The following ADGRL3 variants were observed in gnomAD, a reference collection of about 807,000 sequenced individuals.
ADGRL3 encodes the protein adhesion G protein-coupled receptor L3, also known as calcium-independent alpha-latrotoxin receptor 3.
Under a neutral mutation model 153.5 loss-of-function variants are expected in ADGRL3, and 62 were observed. The observed-to-expected ratio is 0.40, with a 90% confidence interval of 0.33 to 0.50. The LOEUF is 0.50. Among genes scored for constraint, ADGRL3 ranks in the 20% least tolerant of loss-of-function variants. ADGRL3 has a pLI of 0.47. For synonymous variants in ADGRL3, 710 were observed against 672.5 expected, an observed-to-expected ratio of 1.06 and a Z score of -0.86; for missense variants, 1,641 against 1,859.4, an observed-to-expected ratio of 0.88 and a Z score of 2.16.
intron 1 of ADGRL3, among the ~76,000 whole-genome samples, chr4:61,372,652 T>G (rs907644161): frequency 7.2e-5 from 11 of 152,224 alleles, no homozygotes; most frequent in African/African-American, 2.7e-4. Context: ...CAAGGACGTT[T>G]AAGTCTGCAG....
intron 8 of ADGRL3, among the ~76,000 whole-genome samples, chr4:61,797,681 C>T (rs2097431215): frequency 6.6e-6 from 1 of 151,964 alleles, no homozygotes; most frequent in African/African-American, 2.4e-5. Context: ...AAAACATCTG[C>T]ATGTTTGTTC....
intron 1 of ADGRL3, among the ~76,000 whole-genome samples, chr4:61,364,348 AAT>A (rs2096355171): frequency 1.0e-4 from 8 of 78,710 alleles, no homozygotes; most frequent in African/African-American, 1.6e-4. Flanking sequence ...AAAAAAAAAT[AAT>A]AATAATAATA....
At chr4:61,404,996 T>G (rs569756655) in intron 2 of ADGRL3, among the ~76,000 whole-genome samples, 2 of 152,186 alleles carry the variant, frequency 1.3e-5, no homozygotes, top group East Asian at 1.9e-4. Context: ...ATGGAGTAAC[T>G]ATGCTTACAT....
rs1258512002 is a variant in ADGRL3, at chr4:61,936,010, T to C, written c.2384T>C (p.Leu795Pro). The change falls in exon 15 of 27, where the codon CTG (leucine) becomes CCG (proline). Residue 795 changes from leucine (L) to proline (P), a missense_variant. Physicochemically the swap from Leu to Pro is moderately conservative, Grantham distance 98. This residue lies in a region of ADGRL3 where 734 missense variants were observed against 797.0 expected (regional missense o/e 0.92). Coordinates refer to ENST00000683033, the MANE Select transcript of ADGRL3 (RefSeq NM_001387552.1). The part of the protein sequence containing the change: ...ENMGHGSTIQ[L>P]SANTLKQNGR... ...ATGGGCCATGGAAGCACTATCCAGC[T>C]GTCTGCAAATACCTTAAAGCAAAAT... 6.2e-7 allele frequency: 1 copy of C among 1,610,664 alleles called. No homozygotes were observed. The highest frequency in any genetic ancestry group is 8.5e-7 in the Non-Finnish European group (1 of 1,178,370).
At chr4:61,266,695 T>G (rs1334844608) in intron 1 of ADGRL3, among the ~76,000 whole-genome samples, 1 of 151,818 alleles carries the variant, frequency 6.6e-6, no homozygotes, top group East Asian at 1.9e-4. Context: ...ATGCTTATTC[T>G]TATAGAATGA....
At chr4:61,505,824 TAA>T (rs34446845) in intron 3 of ADGRL3, among the ~76,000 whole-genome samples, 41 of 150,674 alleles carry the variant, frequency 2.7e-4, no homozygotes, top group African/African-American at 6.6e-4. Context: ...CATCTTTTAA[TAA>T]AAAAAAAACA....
intron 1 of ADGRL3, among the ~76,000 whole-genome samples, chr4:61,284,419 G>A (rs2093849258): frequency 6.6e-6 from 1 of 151,742 alleles, no homozygotes; most frequent in South Asian, 2.1e-4. Flanking sequence ...AAGAAACAGT[G>A]GACCAGTTTC....
intron 21 of ADGRL3, among the ~76,000 whole-genome samples, chr4:61,999,751 G>T (rs1170989141): frequency 6.6e-6 from 1 of 152,122 alleles, no homozygotes; most frequent in Non-Finnish European, 1.5e-5. Context: ...AGACTTTAGT[G>T]ACTAAGGTGT....
chr4:61,521,418 C>T (rs1000087864), intron 4 of ADGRL3, among the ~76,000 whole-genome samples: 8 of 152,078 alleles, frequency 5.3e-5, no homozygotes, highest in African/African-American at 1.9e-4. Context: ...AATGGTATAA[C>T]ACTATGAGGA....
intron 6 of ADGRL3, among the ~76,000 whole-genome samples, chr4:61,689,305 C>CT (rs1346575005): frequency 2.0e-5 from 3 of 152,136 alleles, no homozygotes; most frequent in African/African-American, 7.2e-5. Context: ...TCCAGGTGGT[C>CT]TTTGGGCCAT....
intron 17 of ADGRL3, 109 bp downstream of exon 17, chr4:61,948,385 T>C: frequency 8.1e-6 from 6 of 740,000 alleles, no homozygotes; most frequent in South Asian, 3.0e-5. Context: ...CCTACTTTCA[T>C]AGTAATTCTA....
chr4:61,946,902 C>A lies in ADGRL3; in HGVS notation c.2420-12C>A, dbSNP rs777345903. The A allele has an allele frequency of 6.2e-7, 1 of 1,602,512 alleles. No individual in the cohort carries two copies. On this transcript the variant is annotated splice_polypyrimidine_tract_variant and intron_variant, in intron 15 of 26. Transcript: ENST00000683033. ...GAGTGGACAAACTAATCAGAGTTTG[C>A]ATTTACTTTAGGAGAGATCAGAGTG...
chr4:61,367,227 G>A lies in ADGRL3; in HGVS notation c.-239-15897G>A, dbSNP rs1027866987. Among the ~76,000 whole-genome samples the A allele has an allele frequency of 7.9e-5, 12 of 151,062 alleles. No individual in the cohort carries two copies. In the South Asian group the frequency reaches 1.3e-3, roughly 16 times the overall value. On this transcript the variant is annotated intron_variant, in intron 1 of 26. Transcript: ENST00000683033. ...TTCAGACAAGTTTTTTAAAACTGTC[G>A]CTTTTTTTTTTATTTTTTTATTATT...
intron 9 of ADGRL3, among the ~76,000 whole-genome samples, chr4:61,856,417 G>T (rs1220682024): frequency 1.6e-5 from 2 of 125,844 alleles, no homozygotes; most frequent in African/African-American, 3.4e-5. Flanking sequence ...CTGTGTCTGA[G>T]AATTCCTTCC....
At chr4:62,047,242 C>A (rs1375156742) in intron 25 of ADGRL3, among the ~76,000 whole-genome samples, 1 of 151,724 alleles carries the variant, frequency 6.6e-6, no homozygotes, top group East Asian at 1.9e-4. Flanking sequence ...AGTTCTGACC[C>A]TTGAAAATGA....
chr4:61,641,607 G>T (rs899004419), intron 5 of ADGRL3, among the ~76,000 whole-genome samples: 1 of 151,864 alleles, frequency 6.6e-6, no homozygotes, highest in African/African-American at 2.4e-5. Context: ...CCCTACAAAG[G>T]ACATGAACTC....
chr4:61,982,825 T>C (rs1427345184), intron 18 of ADGRL3, among the ~76,000 whole-genome samples: 1 of 152,194 alleles, frequency 6.6e-6, no homozygotes, highest in African/African-American at 2.4e-5. Flanking sequence ...CCTTAAATCA[T>C]TTTTGAAACA....
At chr4:61,621,598 T>C (rs1487926270) in intron 5 of ADGRL3, among the ~76,000 whole-genome samples, 1 of 152,190 alleles carries the variant, frequency 6.6e-6, no homozygotes, top group Non-Finnish European at 1.5e-5. Context: ...TAAAAAATAC[T>C]ATAATCTTAA....
At chr4:61,304,034 G>A (rs1387399296) in intron 1 of ADGRL3, among the ~76,000 whole-genome samples, 1 of 152,142 alleles carries the variant, frequency 6.6e-6, no homozygotes. Context: ...TCTCTGACTT[G>A]GGTAGCAGCT....
Sources: gnomAD v4.1 joint callset for allele counts (sites outside exome capture counted in the v4.1 genomes callset) on GRCh38, gnomAD v4.1.1 for gene constraint, gnomAD v4.1.1 regional missense constraint, MANE v1.5 for transcripts, NCBI Gene and HGNC (gene_info 2026-07-23, HGNC 2026-07-21) for gene names.